CALN1: variants seen among roughly 807,000 people sequenced by gnomAD.
CALN1 encodes calneuron 1.
In CALN1, 17 loss-of-function variants were observed where a neutral mutation model predicts 30.6. The ratio of observed to expected loss-of-function variants is 0.56; its 90% CI spans 0.38 to 0.83. The LOEUF (loss-of-function observed/expected upper bound fraction) is 0.83, where lower values mean the gene tolerates loss of function less well. Among genes scored for constraint, CALN1 ranks in the 40% least tolerant of loss-of-function variants. The pLI is 0.00. For synonymous variants in CALN1, 156 were observed against 131.4 expected (o/e 1.19, Z -1.28); for missense variants, 291 against 354.9 (o/e 0.82, Z 1.45).
intron 4 of CALN1, among the ~76,000 whole-genome samples, chr7:72,077,264 A>G (rs1281351697): frequency 6.6e-6 from 1 of 151,100 alleles, no homozygotes; most frequent in Non-Finnish European, 1.5e-5. Context: ...AAGAAGGAAT[A>G]TTTATTTTAT....
chr7:72,325,366 C>T (rs1204681974), intron 2 of CALN1, among the ~76,000 whole-genome samples: 3 of 152,072 alleles, frequency 2.0e-5, no homozygotes, highest in Non-Finnish European at 4.4e-5. Context: ...TTTGGGAGGC[C>T]AAGGTGGGTG....
intron 4 of CALN1, among the ~76,000 whole-genome samples, chr7:72,039,507 TA>T (rs1431503862): frequency 6.6e-6 from 1 of 152,264 alleles, no homozygotes; most frequent in African/African-American, 2.4e-5. Flanking sequence ...TGCAGGCTAC[TA>T]ATCACATTAC....
intron 2 of CALN1, among the ~76,000 whole-genome samples, chr7:72,351,244 T>C (rs1186262430): frequency 2.0e-5 from 3 of 152,214 alleles, no homozygotes; most frequent in Non-Finnish European, 4.4e-5. Flanking sequence ...GGTTCATGCC[T>C]GTAATCCTAG....
intron 2 of CALN1, among the ~76,000 whole-genome samples, chr7:72,336,028 G>A (rs930979850): frequency 7.2e-5 from 11 of 152,196 alleles, no homozygotes; most frequent in African/African-American, 2.4e-4. Flanking sequence ...CTGGGCGCCA[G>A]ACCCATCCAG....
Position 72,330,466 on chromosome 7 carries a change from CA to C in CALN1, c.120-51657del, listed in dbSNP as rs34819395. Among the ~76,000 whole-genome samples the C allele has an allele frequency of 5.4e-3, 615 of 112,996 alleles. 4 individuals are homozygous for C. The highest frequency in any genetic ancestry group is 0.019 in the Middle Eastern group (4 of 214). 74.1% of individuals were successfully genotyped at this position (112,996 alleles called of 152,430 possible). On this transcript the variant is annotated intron_variant, in intron 2 of 6. Coordinates refer to ENST00000395275, the MANE Select transcript of CALN1 (RefSeq NM_031468.4). Reference sequence around the variant, plus strand: ...CTGGGCAACAGAGCAAGACTGTCTCCAAAAAAAAAAAAAAAAAAAAGAGAGA... The same window carrying C: ...CTGGGCAACAGAGCAAGACTGTCTCCAAAAAAAAAAAAAAAAAAAGAGAGA...
the CALN1 span, among the ~76,000 whole-genome samples, chr7:72,500,626 G>A: frequency 2.6e-5 from 4 of 151,346 alleles, no homozygotes; most frequent in African/African-American, 9.7e-5. Flanking sequence ...TATATAACCT[G>A]TCCAATTCCT....
intron 2 of CALN1, among the ~76,000 whole-genome samples, chr7:72,292,810 T>C (rs1798582128): frequency 1.2e-5 from 1 of 83,514 alleles, no homozygotes; most frequent in African/African-American, 4.8e-5. Flanking sequence ...AACAGAACAA[T>C]ACTCTGTCTC....
intron 4 of CALN1, among the ~76,000 whole-genome samples, chr7:72,098,906 C>G (rs1192930659): frequency 6.6e-6 from 1 of 151,882 alleles, no homozygotes; most frequent in Non-Finnish European, 1.5e-5. Context: ...TGGATGGATC[C>G]GTGTCCAGGA....
At chr7:72,153,765 C>T (rs765290814) in intron 3 of CALN1, among the ~76,000 whole-genome samples, 1 of 152,152 alleles carries the variant, frequency 6.6e-6, no homozygotes, top group Non-Finnish European at 1.5e-5. Context: ...GGTGCCCTGG[C>T]CTTTCATCGC....
chr7:72,138,639 C>CT (rs1374278660), intron 3 of CALN1, among the ~76,000 whole-genome samples: 1 of 152,178 alleles, frequency 6.6e-6, no homozygotes, highest in Non-Finnish European at 1.5e-5. Context: ...AAGAGGCTGC[C>CT]TGCCATCCCA....
intron 1 of CALN1, among the ~76,000 whole-genome samples, chr7:72,404,661 C>T (rs958323407): frequency 2.0e-5 from 3 of 152,184 alleles, no homozygotes; most frequent in African/African-American, 7.2e-5. Context: ...AGTCCCTCTG[C>T]CCTCTTTCTA....
chr7:72,034,197 C>A (rs1053474698), intron 4 of CALN1, among the ~76,000 whole-genome samples: 3 of 151,316 alleles, frequency 2.0e-5, no homozygotes, highest in Non-Finnish European at 4.4e-5. Flanking sequence ...ACTAAAAATA[C>A]AAAAAAATTA....
At chr7:72,294,927 G>C (rs919268693) in intron 2 of CALN1, among the ~76,000 whole-genome samples, 6 of 152,072 alleles carry the variant, frequency 3.9e-5, no homozygotes, top group African/African-American at 7.2e-5. Flanking sequence ...ATTTCTGAGT[G>C]TGTGTGTCCC....
intron 5 of CALN1, among the ~76,000 whole-genome samples, chr7:71,857,034 G>GTA (rs935988491): frequency 2.8e-5 from 4 of 141,574 alleles, no homozygotes; most frequent in African/African-American, 1.2e-4. Context: ...GTGTGTGTGT[G>GTA]TGTGTGTGTG....
At chr7:72,327,538 T>C (rs776336983) in intron 2 of CALN1, among the ~76,000 whole-genome samples, 16 of 152,186 alleles carry the variant, frequency 1.1e-4, no homozygotes, top group Non-Finnish European at 2.2e-4. Flanking sequence ...TCTTTTCCTG[T>C]TTTCAAAGAA....
chr7:72,324,499 G>C (rs1370555099), intron 2 of CALN1, among the ~76,000 whole-genome samples: 2 of 151,906 alleles, frequency 1.3e-5, no homozygotes, highest in African/African-American at 4.8e-5. Context: ...TTCCCTAGGA[G>C]TGGAAAGCTC....
chr7:71,971,930 C>CAAAAAAAAAAAAA (rs764756514), intron 5 of CALN1, among the ~76,000 whole-genome samples: 2 of 38,548 alleles, frequency 5.2e-5, no homozygotes, highest in African/African-American at 8.8e-5. Flanking sequence ...GACCCTGTCT[C>CAAAAAAAAAAAAA]AAAAAAAAAA....
chr7:72,197,560 G>A (rs1486412923), intron 3 of CALN1, among the ~76,000 whole-genome samples: 1 of 152,150 alleles, frequency 6.6e-6, no homozygotes, highest in Non-Finnish European at 1.5e-5. Context: ...GCTGGACATA[G>A]TGGCTCATGC....
chr7:72,227,627 C>G (rs972902233), intron 3 of CALN1, among the ~76,000 whole-genome samples: 4 of 151,894 alleles, frequency 2.6e-5, no homozygotes, highest in African/African-American at 9.7e-5. Context: ...AAAAAACTAT[C>G]TGTTGGGTAC....
Sources: gnomAD v4.1 joint callset for allele counts (sites outside exome capture counted in the v4.1 genomes callset) on GRCh38, gnomAD v4.1.1 for gene constraint, MANE v1.5 for transcripts, NCBI Gene and HGNC (gene_info 2026-07-23, HGNC 2026-07-21) for gene names.